The following ROBO2 variants were observed in gnomAD, a reference collection of about 807,000 sequenced individuals.
ROBO2 encodes the protein roundabout homolog 2.
Under a neutral mutation model 160.8 loss-of-function variants are expected in ROBO2, and 53 were observed. The ratio of observed to expected loss-of-function variants is 0.33; its 90% confidence interval spans 0.26 to 0.41. The LOEUF (loss-of-function observed/expected upper bound fraction) is 0.41, where lower values mean the gene tolerates loss of function less well. Ranked by LOEUF, ROBO2 falls within the 10% of genes least tolerant of loss-of-function variation. The pLI, the probability that ROBO2 is intolerant of heterozygous loss-of-function variation, is 1.00. For synonymous variants in ROBO2, 664 were observed against 611.7 expected (o/e 1.09, Z -1.26); for missense variants, 1,577 against 1,722.4 (o/e 0.92, Z 1.49).
intron 2 of ROBO2, among the ~76,000 whole-genome samples, chr3:76,383,212 A>G (rs939455097): frequency 6.6e-6 from 1 of 152,214 alleles, no homozygotes; most frequent in Non-Finnish European, 1.5e-5. Flanking sequence ...TTTTGTCCTC[A>G]TTCCTTCTAG....
chr3:77,511,551 G>GT (rs1320381011), intron 5 of ROBO2, among the ~76,000 whole-genome samples: 1 of 151,936 alleles, frequency 6.6e-6, no homozygotes, highest in East Asian at 1.9e-4. Context: ...TCTTCGCTTA[G>GT]TTTTTTAGCT....
At chr3:76,469,514 C>A (rs932844916) in intron 2 of ROBO2, among the ~76,000 whole-genome samples, 2 of 152,070 alleles carry the variant, frequency 1.3e-5, no homozygotes, top group Admixed American at 6.6e-5. Flanking sequence ...TAAGATTTCA[C>A]CCCTGCCTAC....
At chr3:76,831,357 A>T (rs1455527626) in intron 2 of ROBO2, among the ~76,000 whole-genome samples, 1 of 152,214 alleles carries the variant, frequency 6.6e-6, no homozygotes, top group Non-Finnish European at 1.5e-5. Flanking sequence ...CTTTGAAAAC[A>T]CATTACTGAT....
chr3:76,508,858 A>G (rs1193943767), intron 2 of ROBO2, among the ~76,000 whole-genome samples: 1 of 152,146 alleles, frequency 6.6e-6, no homozygotes, highest in Non-Finnish European at 1.5e-5. Flanking sequence ...CACTGCTTTG[A>G]TTTCATTAAT....
chr3:76,974,186 C>T (rs184265940), intron 2 of ROBO2, among the ~76,000 whole-genome samples: 1 of 152,214 alleles, frequency 6.6e-6, no homozygotes, highest in East Asian at 1.9e-4. Context: ...TTCTAATAAA[C>T]CGCCTTGATA....
At chr3:76,336,818 G>A (rs1008900559) in intron 2 of ROBO2, among the ~76,000 whole-genome samples, 9 of 152,008 alleles carry the variant, frequency 5.9e-5, no homozygotes, top group African/African-American at 2.2e-4. Context: ...TTTTTCGTAA[G>A]AGCATTTAAC....
chr3:77,454,748 A>G (rs1367578848), intron 2 of ROBO2, among the ~76,000 whole-genome samples: 1 of 152,052 alleles, frequency 6.6e-6, no homozygotes, highest in Non-Finnish European at 1.5e-5. Context: ...ATTCTAACCA[A>G]TTTTACTTAA....
intron 2 of ROBO2, among the ~76,000 whole-genome samples, chr3:76,918,274 G>A (rs112459459): frequency 0.012 from 1,811 of 152,264 alleles, 19 homozygotes; most frequent in Middle Eastern, 0.027. Flanking sequence ...GTTCTCGTGA[G>A]ATCTGATGGT....
chr3:77,109,234 A>C (rs1020410040), intron 2 of ROBO2, among the ~76,000 whole-genome samples: 3 of 152,234 alleles, frequency 2.0e-5, no homozygotes, highest in Non-Finnish European at 4.4e-5. Context: ...ACTTAGAACA[A>C]GCTTTGTTTG....
intron 1 of ROBO2, among the ~76,000 whole-genome samples, chr3:75,932,254 G>T (rs1947576973): frequency 6.6e-6 from 1 of 152,130 alleles, no homozygotes; most frequent in African/African-American, 2.4e-5. Flanking sequence ...AATCTGAGGA[G>T]TTTTCAGGTC....
At chr3:75,914,925 A>G (rs1038237643) in intron 1 of ROBO2, among the ~76,000 whole-genome samples, 1 of 152,214 alleles carries the variant, frequency 6.6e-6, no homozygotes, top group African/African-American at 2.4e-5. Context: ...TGTGGCCCTC[A>G]TTAGCAGGCC....
intron 2 of ROBO2, among the ~76,000 whole-genome samples, chr3:76,313,856 A>T (rs1371355860): frequency 6.6e-6 from 1 of 151,994 alleles, no homozygotes; most frequent in Non-Finnish European, 1.5e-5. Context: ...CCATTTTTGT[A>T]GTATTAACAG....
intron 2 of ROBO2, among the ~76,000 whole-genome samples, chr3:77,451,704 C>T (rs1200463636): frequency 6.6e-6 from 1 of 151,938 alleles, no homozygotes; most frequent in Non-Finnish European, 1.5e-5. Context: ...TTGATTCTCC[C>T]TTCTACTCTT....
intron 2 of ROBO2, among the ~76,000 whole-genome samples, chr3:77,164,854 A>C (rs370478283): frequency 8.4e-5 from 2 of 23,892 alleles, no homozygotes; most frequent in Non-Finnish European, 3.2e-4. Context: ...GGAGCCCCTC[A>C]GCCCGGCCAG....
At chr3:76,627,404 G>GGATAAA (rs1216853939) in intron 2 of ROBO2, among the ~76,000 whole-genome samples, 1 of 152,132 alleles carries the variant, frequency 6.6e-6, no homozygotes, top group African/African-American at 2.4e-5. Flanking sequence ...ATGATGTAAG[G>GGATAAA]GATAAAGATA....
chr3:77,141,384 C>T (rs180698953), intron 2 of ROBO2, among the ~76,000 whole-genome samples: 2 of 151,956 alleles, frequency 1.3e-5, no homozygotes, highest in Admixed American at 1.3e-4. Context: ...TACTATTGGT[C>T]CCACTCTTGA....
At chr3:77,457,906 T>C (rs895586893) in intron 2 of ROBO2, among the ~76,000 whole-genome samples, 4 of 152,138 alleles carry the variant, frequency 2.6e-5, no homozygotes, top group South Asian at 4.1e-4. Context: ...TATATGTTTA[T>C]ATACTAATCA....
intron 2 of ROBO2, chr3:76,434,715 C>T: frequency 9.3e-7 from 1 of 1,079,514 alleles, no homozygotes; most frequent in South Asian, 1.2e-5. Context: ...AGGCCCCCCT[C>T]CTCCCCCAGT....
intron 2 of ROBO2, among the ~76,000 whole-genome samples, chr3:76,200,650 C>T (rs1302357653): frequency 6.6e-6 from 1 of 152,144 alleles, no homozygotes; most frequent in African/African-American, 2.4e-5. Context: ...AAGGCTACAG[C>T]AGACCATGCA....
Sources: allele counts gnomAD v4.1 joint callset (sites outside exome capture counted in the v4.1 genomes callset), GRCh38; gene constraint gnomAD v4.1.1; transcripts MANE v1.5; gene names NCBI Gene and HGNC (gene_info 2026-07-23, HGNC 2026-07-21).